PRDM15: variants seen among roughly 807,000 people sequenced by gnomAD.
The protein encoded by PRDM15 is PR/SET domain 15.
In PRDM15, 64 loss-of-function variants were observed where a neutral mutation model predicts 128.6. The ratio of observed to expected loss-of-function variants is 0.50; its 90% CI spans 0.41 to 0.61. The LOEUF (loss-of-function observed/expected upper bound fraction) is 0.61, where lower values mean the gene tolerates loss of function less well. PRDM15 is among the 20% of genes least tolerant of loss of function. PRDM15 has a pLI of 0.00. For missense variants in PRDM15, 1,242 were observed against 1,569.1 expected (o/e 0.79, Z 3.52); for synonymous variants, 615 against 621.8 (o/e 0.99, Z 0.16).
chr21:41,877,247 C>G (rs1324297443), intron 1 of PRDM15: 1 of 153,074 alleles, frequency 6.5e-6, no homozygotes, highest in African/African-American at 2.4e-5. Flanking sequence ...TCCTTCCTTT[C>G]TTCATGCTCT....
intron 5 of PRDM15, among the ~76,000 whole-genome samples, chr21:41,847,428 C>A (rs1487048682): frequency 2.6e-5 from 4 of 152,196 alleles, no homozygotes; most frequent in African/African-American, 9.7e-5. Context: ...AGCACAGAGA[C>A]ACGCCTGCTG....
At chr21:41,824,057 G>A (rs1159738172) in intron 13 of PRDM15, among the ~76,000 whole-genome samples, 2 of 152,232 alleles carry the variant, frequency 1.3e-5, no homozygotes, top group African/African-American at 4.8e-5. Flanking sequence ...TGAGACCACT[G>A]CTAGGGCCCT....
intron 23 of PRDM15, 75 bp downstream of exon 23, chr21:41,802,637 G>A (rs1328864172): frequency 1.7e-6 from 2 of 1,196,078 alleles, no homozygotes; most frequent in East Asian, 2.3e-5. Context: ...AAGAGATGGA[G>A]TCACACACAC....
chr21:41,836,311 G>A, intron 9 of PRDM15, 104 bp from the exon 10 acceptor site: 1 of 1,308,090 alleles, frequency 7.6e-7, no homozygotes, highest in Non-Finnish European at 1.1e-6. Flanking sequence ...CTCCCACCAT[G>A]CGAAGGAGCT....
chr21:41,868,162 T>G (rs2064080511), intron 1 of PRDM15, among the ~76,000 whole-genome samples: 1 of 152,162 alleles, frequency 6.6e-6, no homozygotes, highest in Non-Finnish European at 1.5e-5. Flanking sequence ...TATCAAAAGC[T>G]CATTCCTTTA....
At chr21:41,878,881 A>AGCGCGGCCCGGCAGCC in intron 1 of PRDM15, 1 of 950,750 alleles carries the variant, frequency 1.1e-6, no homozygotes, top group Non-Finnish European at 1.2e-6. Flanking sequence ...CCCACGGGCG[A>AGCGCGGCCCGGCAGCC]GCGCGGCCCG....
chr21:41,878,992 G>A (rs2064535201), intron 1 of PRDM15: 1 of 1,003,698 alleles, frequency 1.0e-6, no homozygotes, highest in African/African-American at 1.8e-5. Flanking sequence ...CGCGGCGGCG[G>A]GACCCGGCGG....
At chr21:41,820,962 C>T in intron 16 of PRDM15, 105 bp downstream of exon 16, 1 of 1,432,476 alleles carries the variant, frequency 7.0e-7, no homozygotes, top group Middle Eastern at 1.8e-4. Context: ...CAGAGGACAT[C>T]ACTTGTTGGA....
intron 5 of PRDM15, among the ~76,000 whole-genome samples, chr21:41,849,154 A>G (rs1282373210): frequency 6.6e-6 from 1 of 152,278 alleles, no homozygotes; most frequent in African/African-American, 2.4e-5. Context: ...ACAGCACAGC[A>G]AACAGCCTGG....
chr21:41,830,071 C>G (rs2062629506), intron 11 of PRDM15, among the ~76,000 whole-genome samples: 1 of 151,702 alleles, frequency 6.6e-6, no homozygotes, highest in South Asian at 2.1e-4. Context: ...ATTCAACACA[C>G]ACACCACATA....
At position 41,832,424 on chromosome 21, in the gene PRDM15, C is replaced by T. The variant is rs1293492312; in HGVS notation, c.1366+3013G>A. Among the ~76,000 whole-genome samples, 3 of 151,940 alleles carry T rather than the reference C, an allele frequency of 2.0e-5. No individual in the cohort carries two copies. Among genetic ancestry groups the T allele is most frequent in the South Asian group, 2.1e-4 (1 of 4,798 alleles). ...GAGGCCACACCTTACAGCGCTGTGG[C>T]ATCGGATCACCACAGGCCACACCTT... On this transcript the variant is annotated intron_variant, in intron 11 of 23. Coordinates refer to ENST00000398548, the MANE Select transcript of PRDM15 (RefSeq NM_001040424.3). This position sits in a 1 kb window ranked among gnomAD's most constrained non-coding sequence, Gnocchi z 4.2.
intron 6 of PRDM15, among the ~76,000 whole-genome samples, chr21:41,840,969 T>G (rs7278844): frequency 0.24 from 36,334 of 152,078 alleles, 4,562 homozygotes; most frequent in East Asian, 0.29. Flanking sequence ...CTGCAAAGAT[T>G]ACCCAGAATG....
chr21:41,843,973 A>G (rs1712446800), intron 6 of PRDM15, among the ~76,000 whole-genome samples: 1 of 149,878 alleles, frequency 6.7e-6, no homozygotes, highest in Non-Finnish European at 1.5e-5. Flanking sequence ...AAAAAAAAAG[A>G]AAGAAAGAAA....
In PRDM15 at chr21:41,874,174, C is replaced by T. The variant is rs117965306; in HGVS notation, c.-10+5096G>A. On this transcript the variant is annotated intron_variant, in intron 1 of 23. Coordinates refer to ENST00000398548, the MANE Select transcript of PRDM15 (RefSeq NM_001040424.3). ...TTTGCTTAATTTAAAAAAAAAAGGG[C>T]GGGAGGACTGACTCCTACTTAACGA... is the stretch of plus-strand genomic sequence containing the variant. Among the ~76,000 whole-genome samples, 1,092 of 149,682 alleles carry T rather than the reference C, an allele frequency of 7.3e-3. 6 individuals carry two copies. Among genetic ancestry groups the T allele is most frequent in the Non-Finnish European group, 0.01 (709 of 67,684 alleles).
intron 5 of PRDM15, among the ~76,000 whole-genome samples, chr21:41,853,584 C>T (rs1017625431): frequency 5.1e-4 from 77 of 152,250 alleles, no homozygotes; most frequent in African/African-American, 1.8e-3. Flanking sequence ...GGATCTATGT[C>T]AAAAAGACCC....
At position 41,859,111 on chromosome 21, in the gene PRDM15, C is replaced by T. The variant is rs1233592850; in HGVS notation, c.131+481G>A. Reference sequence around the variant, plus strand: ...GCAGCTGCTGCCCACTGAGCCGCCTCACCAGGCCTGCAGGGACTGCTTCTG... The same window carrying T: ...GCAGCTGCTGCCCACTGAGCCGCCTTACCAGGCCTGCAGGGACTGCTTCTG... On this transcript the variant is annotated intron_variant, in intron 3 of 23. Transcript: ENST00000398548. This position sits in a 1 kb window ranked among gnomAD's most constrained non-coding sequence, Gnocchi z 5.3. 2 of 1,605,226 alleles carry T rather than the reference C, an allele frequency of 1.2e-6. No individual in the cohort carries two copies. Among genetic ancestry groups the T allele is most frequent in the East Asian group, 4.5e-5 (2 of 44,574 alleles).
rs1426921573 is a variant in PRDM15, at chr21:41,844,773, AGTCCCTCCCCCCTC to A, written c.640+2303_640+2316del. Among the ~76,000 whole-genome samples, 9 of 22,358 alleles carry A rather than the reference AGTCCCTCCCCCCTC, an allele frequency of 4.0e-4. 1 individual carries two copies. The highest frequency in any genetic ancestry group is 7.1e-4 in the Non-Finnish European group (8 of 11,294). The allele number at this position is 22,358 out of a possible 152,430, so 14.7% of individuals were successfully genotyped here. ...CCTTCCCCCTCACAGGGACACACACAGTCCCTCCCCCCTCACAGGGACACACACAGTCCCTCCCC... is the reference window on the plus strand; with the variant it reads ...CCTTCCCCCTCACAGGGACACACACAACAGGGACACACACAGTCCCTCCCC... On this transcript the variant is annotated intron_variant, in intron 6 of 23. Coordinates refer to ENST00000398548, the MANE Select transcript of PRDM15 (RefSeq NM_001040424.3).
chr21:41,857,616 C>G (rs1422431510), intron 3 of PRDM15, among the ~76,000 whole-genome samples: 1 of 152,152 alleles, frequency 6.6e-6, no homozygotes, highest in Non-Finnish European at 1.5e-5. Context: ...AAAATATTAG[C>G]TGGACATGGT....
chr21:41,823,454 G>A lies in PRDM15; in HGVS notation c.1630-5C>T, dbSNP rs1007621840. ...ATTGCTCCGGCAGGAGAACACCTGT[G>A]GCAGAGGAGCCGCATGGTGAGGGGC... On this transcript the variant is annotated splice_polypyrimidine_tract_variant and splice_region_variant and intron_variant, in intron 13 of 23. Transcript: ENST00000398548. 4.5e-6 allele frequency: 7 copies of A among 1,549,736 alleles called. No individual in the cohort carries two copies. Among genetic ancestry groups the A allele is most frequent in the East Asian group, 2.5e-5 (1 of 40,816 alleles).
Sources: allele counts gnomAD v4.1 joint callset (sites outside exome capture counted in the v4.1 genomes callset), GRCh38; gene constraint gnomAD v4.1.1; non-coding constraint Gnocchi (gnomAD v3.1); transcripts MANE v1.5; gene names NCBI Gene and HGNC (gene_info 2026-07-23, HGNC 2026-07-21).